CASD1: variants seen among roughly 807,000 people sequenced by gnomAD.
CASD1 encodes the protein CAS1 domain sialic acid O acetyltransferase 1, also known as N-acetylneuraminate (7)9-O-acetyltransferase.
Under a neutral mutation model 100.0 loss-of-function variants are expected in CASD1, and 41 were observed. The observed-to-expected ratio is 0.41, with a 90% confidence interval of 0.32 to 0.53. The LOEUF (loss-of-function observed/expected upper bound fraction) is 0.53. Ranked by LOEUF, CASD1 falls within the 20% of genes least tolerant of loss-of-function variation. CASD1 has a pLI of 0.25. For synonymous variants in CASD1, 321 were observed against 315.6 expected (o/e 1.02, Z -0.18); for missense variants, 774 against 948.7 (o/e 0.82, Z 2.42).
At chr7:94,601,472 A>G in the CASD1 span, among the ~76,000 whole-genome samples, 1 of 136,708 alleles carries the variant, frequency 7.3e-6, no homozygotes, top group African/African-American at 2.6e-5. Flanking sequence ...AAAAAAAAAA[A>G]AAAACTACAA....
At chr7:94,573,131 T>C in the CASD1 span, among the ~76,000 whole-genome samples, 5 of 152,206 alleles carry the variant, frequency 3.3e-5, no homozygotes, top group Non-Finnish European at 7.3e-5. Flanking sequence ...TGTAGCACTG[T>C]AGTATAGTTT....
intron 8 of CASD1, among the ~76,000 whole-genome samples, chr7:94,536,874 T>A (rs1795148704): frequency 6.6e-6 from 1 of 152,196 alleles, no homozygotes; most frequent in South Asian, 2.1e-4. Flanking sequence ...TAACATTAGA[T>A]ATCTTAAAAC....
the CASD1 span, chr7:94,618,523 G>T: frequency 2.0e-6 from 1 of 488,800 alleles, no homozygotes; most frequent in Non-Finnish European, 3.6e-6. Flanking sequence ...TATAATTTAT[G>T]ATGCTGATCC....
the CASD1 span, among the ~76,000 whole-genome samples, chr7:94,609,682 T>G: frequency 6.6e-6 from 1 of 152,184 alleles, no homozygotes; most frequent in Admixed American, 6.5e-5. Context: ...ACACACAGAT[T>G]GGCCAAAATC....
At chr7:94,588,406 A>C in the CASD1 span, 1 of 1,213,262 alleles carries the variant, frequency 8.2e-7, no homozygotes, top group Non-Finnish European at 1.0e-6. Context: ...AAGAATAGGG[A>C]ACTTCACTGA....
At chr7:94,610,374 GTCAGT>G in the CASD1 span, among the ~76,000 whole-genome samples, 1 of 152,168 alleles carries the variant, frequency 6.6e-6, no homozygotes, top group African/African-American at 2.4e-5. Flanking sequence ...ATAGTGAGTT[GTCAGT>G]GTAGGTTCAT....
the CASD1 span, among the ~76,000 whole-genome samples, chr7:94,615,361 AATAAATAG>A: frequency 2.5e-3 from 333 of 132,282 alleles, 2 homozygotes; most frequent in African/African-American, 9.0e-3. Flanking sequence ...TCTGTCTCAA[AATAAATAG>A]ATAGATAGAT....
chr7:94,518,575 C>A (rs1447147430), intron 3 of CASD1, among the ~76,000 whole-genome samples: 1 of 152,046 alleles, frequency 6.6e-6, no homozygotes, highest in African/African-American at 2.4e-5. Flanking sequence ...TAAATTCTTA[C>A]CATGGAAAAA....
At chr7:94,591,841 C>T in the CASD1 span, among the ~76,000 whole-genome samples, 9 of 152,080 alleles carry the variant, frequency 5.9e-5, no homozygotes, top group Non-Finnish European at 1.3e-4. Flanking sequence ...GCAAGAAATT[C>T]GGAGAAGATG....
chr7:94,597,040 A>G, the CASD1 span, among the ~76,000 whole-genome samples: 1 of 152,138 alleles, frequency 6.6e-6, no homozygotes, highest in Admixed American at 6.6e-5. Flanking sequence ...TTTTCTCATC[A>G]GTATCTAATC....
chr7:94,554,604 A>G, intron 17 of CASD1, 29 bp downstream of exon 17: 1 of 1,410,372 alleles, frequency 7.1e-7, no homozygotes, highest in Non-Finnish European at 1.0e-6. Context: ...TGCTTATCTT[A>G]CACAGCCAGG....
the CASD1 span, chr7:94,588,274 C>A: frequency 9.5e-7 from 1 of 1,055,426 alleles, no homozygotes; most frequent in Non-Finnish European, 1.1e-6. Flanking sequence ...ATTTATCCCC[C>A]TGAAGCCTCA....
chr7:94,625,545 G>A, the CASD1 span: 5 of 151,922 alleles, frequency 3.3e-5, no homozygotes, highest in African/African-American at 1.2e-4. Flanking sequence ...GGTGTTTAAC[G>A]ATCCATTCAT....
chr7:94,587,931 C>T, the CASD1 span: 19 of 1,431,070 alleles, frequency 1.3e-5, no homozygotes, highest in African/African-American at 6.0e-5. Context: ...ACCACAATGC[C>T]GCTATTCATA....
At chr7:94,611,502 T>C in the CASD1 span, among the ~76,000 whole-genome samples, 1 of 151,460 alleles carries the variant, frequency 6.6e-6, no homozygotes. Flanking sequence ...GGGGTGGGGG[T>C]GACTTCTAAT....
chr7:94,621,469 T>C, the CASD1 span: 3 of 152,224 alleles, frequency 2.0e-5, no homozygotes, highest in Non-Finnish European at 4.4e-5. Context: ...CATTAGTATC[T>C]ACTTGACCAC....
chr7:94,585,303 G>T, the CASD1 span: 1 of 497,430 alleles, frequency 2.0e-6, no homozygotes, highest in Non-Finnish European at 3.6e-6. Flanking sequence ...TTTACAAATT[G>T]TCAAAAATGC....
chr7:94,618,899 A>G, the CASD1 span: 12 of 1,613,878 alleles, frequency 7.4e-6, no homozygotes, highest in East Asian at 2.2e-5. Context: ...ACTGGCCAAC[A>G]TTTCTTCTAC....
the CASD1 span, chr7:94,618,768 G>T: frequency 6.2e-7 from 1 of 1,613,556 alleles, no homozygotes; most frequent in Non-Finnish European, 8.5e-7. Flanking sequence ...CCCTCCTTCA[G>T]GTCATTAATG....
Sources: gnomAD v4.1 joint callset for allele counts (sites outside exome capture counted in the v4.1 genomes callset) on GRCh38, gnomAD v4.1.1 for gene constraint, MANE v1.5 for transcripts, NCBI Gene and HGNC (gene_info 2026-07-23, HGNC 2026-07-21) for gene names.